Variants in GPHN observed in about 807,000 individuals in gnomAD.
GPHN encodes gephyrin.
In GPHN, 17 loss-of-function variants were observed where a neutral mutation model predicts 95.5. That is an observed-to-expected ratio of 0.18 (90% CI 0.12 to 0.27). The LOEUF is 0.27. Ranked by LOEUF, GPHN falls within the 10% of genes least tolerant of loss-of-function variation. GPHN has a pLI of 1.00. For missense variants in GPHN, 660 were observed against 978.1 expected (o/e 0.67, Z 4.34); for synonymous variants, 320 against 322.5 (o/e 0.99, Z 0.08).
At chr14:67,221,768 T>C in the GPHN span, 5 of 1,613,124 alleles carry the variant, frequency 3.1e-6, no homozygotes, top group South Asian at 1.1e-5. Flanking sequence ...ATGTGCTATT[T>C]ATTTTTACAG....
the GPHN span, chr14:67,690,364 C>T: frequency 6.2e-7 from 1 of 1,614,178 alleles, no homozygotes; most frequent in Non-Finnish European, 8.5e-7. Context: ...ATTTACTATC[C>T]TTGATGGGGC....
the GPHN span, among the ~76,000 whole-genome samples, chr14:67,403,110 T>G: frequency 6.6e-6 from 1 of 152,252 alleles, no homozygotes; most frequent in Non-Finnish European, 1.5e-5. Flanking sequence ...GGATAAAAGC[T>G]ATTTTAACTG....
intron 1 of GPHN, among the ~76,000 whole-genome samples, chr14:66,550,722 A>G (rs1037715068): frequency 2.6e-5 from 4 of 152,124 alleles, no homozygotes; most frequent in African/African-American, 7.2e-5. Flanking sequence ...AGCCACCCCA[A>G]CCTTCAGCAG....
At chr14:67,380,677 T>C in the GPHN span, 1 of 1,568,060 alleles carries the variant, frequency 6.4e-7, no homozygotes, top group Non-Finnish European at 8.6e-7. Context: ...CTATTTTGGA[T>C]AGTTTAGATT....
intron 1 of GPHN, among the ~76,000 whole-genome samples, chr14:66,565,480 G>C (rs1038965868): frequency 6.6e-6 from 1 of 151,980 alleles, no homozygotes; most frequent in Admixed American, 6.6e-5. Context: ...ATAATTTTTT[G>C]GAAGAGACAG....
chr14:67,664,712 T>C, the GPHN span, among the ~76,000 whole-genome samples: 1 of 152,180 alleles, frequency 6.6e-6, no homozygotes, highest in African/African-American at 2.4e-5. Flanking sequence ...TTGGCCAGTC[T>C]GGTCTCAAAC....
At chr14:67,219,098 G>T in the GPHN span, among the ~76,000 whole-genome samples, 2 of 152,078 alleles carry the variant, frequency 1.3e-5, no homozygotes. Flanking sequence ...CTCACAGGTG[G>T]TGATTGGGGA....
rs560283504 is a variant in GPHN at position 66,971,285 on chromosome 14, G to A, written c.963+5960G>A. 5.9e-5 allele frequency among the ~76,000 whole-genome samples: 9 copies of A among 152,282 alleles called. No individual in the cohort carries two copies. In the East Asian group the frequency reaches 1.7e-3, roughly 29 times the overall value. On this transcript the variant is annotated intron_variant, in intron 9 of 22. Coordinates refer to ENST00000478722, the MANE Select transcript of GPHN (RefSeq NM_020806.5). ...GGAGATTGCTGTGAGCCAAGATCAT[G>A]CCATTACACTCCAGCCTGGGCAACG...
chr14:67,112,139 G>C (rs778679010), intron 15 of GPHN, among the ~76,000 whole-genome samples: 3 of 152,142 alleles, frequency 2.0e-5, no homozygotes, highest in Non-Finnish European at 4.4e-5. Context: ...AAAGCAAGAT[G>C]AGAAAGAGGT....
chr14:66,629,727 T>C (rs992315223), intron 1 of GPHN, among the ~76,000 whole-genome samples: 4 of 152,186 alleles, frequency 2.6e-5, no homozygotes, highest in Admixed American at 2.6e-4. Context: ...TACTTTATGA[T>C]GGCTATGACA....
At chr14:67,684,895 G>T in the GPHN span, 1 of 706,846 alleles carries the variant, frequency 1.4e-6, no homozygotes, top group East Asian at 2.7e-5. Flanking sequence ...AAAAACTCTA[G>T]AGTTAAAAGA....
intron 11 of GPHN, among the ~76,000 whole-genome samples, chr14:67,085,041 G>T (rs2153665360): frequency 6.6e-6 from 1 of 152,304 alleles, no homozygotes; most frequent in Admixed American, 6.5e-5. Flanking sequence ...GCCTACTAAA[G>T]TTTTGGTGGG....
At chr14:67,438,112 G>A in the GPHN span, among the ~76,000 whole-genome samples, 12 of 152,078 alleles carry the variant, frequency 7.9e-5, no homozygotes, top group Non-Finnish European at 1.6e-4. Flanking sequence ...ATCTCCCCAA[G>A]GTCCTTCAAG....
chr14:67,387,662 C>A, the GPHN span, among the ~76,000 whole-genome samples: 11 of 152,194 alleles, frequency 7.2e-5, no homozygotes, highest in African/African-American at 2.7e-4. Context: ...TAAGGCCTTC[C>A]AATGGTTATG....
At chr14:66,620,703 C>A (rs1457455923) in intron 1 of GPHN, among the ~76,000 whole-genome samples, 1 of 152,146 alleles carries the variant, frequency 6.6e-6, no homozygotes, top group Non-Finnish European at 1.5e-5. Context: ...CCTCACATTT[C>A]AAAACCAGTC....
chr14:67,590,991 C>T, the GPHN span, among the ~76,000 whole-genome samples: 2 of 151,120 alleles, frequency 1.3e-5, no homozygotes, highest in Non-Finnish European at 3.0e-5. Flanking sequence ...AATGTAATAA[C>T]CAAAATTAAA....
At chr14:67,571,805 C>T in the GPHN span, 27 of 1,613,758 alleles carry the variant, frequency 1.7e-5, no homozygotes, top group Middle Eastern at 4.9e-4. Context: ...CTGGGTCTGA[C>T]GATGACTGCA....
the GPHN span, chr14:67,735,104 T>G: frequency 1.3e-6 from 1 of 768,682 alleles, no homozygotes; most frequent in Admixed American, 1.8e-5. Context: ...CAGCAAAGAA[T>G]GCAAAAGAAA....
chr14:67,722,528 A>G, the GPHN span: 1 of 848,952 alleles, frequency 1.2e-6, no homozygotes, highest in Non-Finnish European at 2.1e-6. Flanking sequence ...GACGGAGAGG[A>G]GCAGAGAAGC....
Sources: allele counts gnomAD v4.1 joint callset (sites outside exome capture counted in the v4.1 genomes callset), GRCh38; gene constraint gnomAD v4.1.1; transcripts MANE v1.5; gene names NCBI Gene and HGNC (gene_info 2026-07-23, HGNC 2026-07-21).